CORIN: variants seen among roughly 807,000 people sequenced by gnomAD.
The protein encoded by CORIN is corin, serine peptidase.
CORIN carries 117 observed loss-of-function variants against 125.3 expected under a neutral mutation model. The ratio of observed to expected loss-of-function variants is 0.93; its 90% confidence interval spans 0.80 to 1.09. The LOEUF (loss-of-function observed/expected upper bound fraction) is 1.09, where lower values mean the gene tolerates loss of function less well. CORIN is among the 50% of genes least tolerant of loss of function. CORIN has a pLI of 0.00. For synonymous variants in CORIN, 450 were observed against 466.4 expected, an observed-to-expected ratio of 0.96 and a Z score of 0.45; for missense variants, 1,253 against 1,306.7, an observed-to-expected ratio of 0.96 and a Z score of 0.63.
intron 5 of CORIN, among the ~76,000 whole-genome samples, chr4:47,730,016 C>T (rs906597935): frequency 3.7e-4 from 57 of 152,148 alleles, no homozygotes; most frequent in African/African-American, 1.4e-3. Context: ...CTCAATAAAA[C>T]CTTGCACTCA....
At chr4:47,757,850 G>T (rs1729225069) in intron 4 of CORIN, among the ~76,000 whole-genome samples, 1 of 131,128 alleles carries the variant, frequency 7.6e-6, no homozygotes, top group South Asian at 2.4e-4. Flanking sequence ...ATTGAAATGA[G>T]TTTACACATA....
At chr4:47,834,696 C>T (rs192728641) in intron 1 of CORIN, among the ~76,000 whole-genome samples, 16 of 152,120 alleles carry the variant, frequency 1.1e-4, no homozygotes, top group South Asian at 2.1e-4. Flanking sequence ...ATTGTGGTGA[C>T]GGTTTTATAG....
At chr4:47,800,352 C>G (rs1352131470) in intron 2 of CORIN, among the ~76,000 whole-genome samples, 1 of 152,070 alleles carries the variant, frequency 6.6e-6, no homozygotes, top group Non-Finnish European at 1.5e-5. Flanking sequence ...TCCTCAGAGG[C>G]CTCTAAGCAC....
At position 47,744,402 on chromosome 4, in the gene CORIN, A is replaced by G. The variant is rs1728562422; in HGVS notation, c.799T>C (p.Leu267=). The G allele has an allele frequency of 1.2e-6, 2 of 1,613,406 alleles. No homozygotes were observed. The highest frequency in any genetic ancestry group is 1.7e-6 in the Non-Finnish European group (2 of 1,179,628). The change falls in exon 5 of 22, where the codon TTG becomes CTG. Residue 267 remains leucine (L), a splice_region_variant and synonymous_variant. Transcript: ENST00000273857. ...AATGAAATGAAACACAGACACCTAC[A>G]TTGCTTTCCGTTTTCCTGCTGAGGT... is the stretch of plus-strand genomic sequence containing the variant. ...FSPQQENGKQ[L]LCGRGENFLC... is the part of the protein sequence containing the mutation.
chr4:47,779,185 G>C (rs1455626426), intron 3 of CORIN, among the ~76,000 whole-genome samples: 1 of 152,198 alleles, frequency 6.6e-6, no homozygotes, highest in Non-Finnish European at 1.5e-5. Flanking sequence ...AATGGTTATA[G>C]GTCGAGCACA....
chr4:47,609,109 A>G lies in CORIN; in HGVS notation c.2541-5441T>C, dbSNP rs1304364291. Among the ~76,000 whole-genome samples, 4 of 152,162 alleles carry G rather than the reference A, an allele frequency of 2.6e-5. No individual in the cohort carries two copies. In the East Asian group the frequency reaches 5.8e-4, roughly 22 times the overall value. ...ATAGCATAGCTAAGTGGTGATTTGG[A>G]GATCATCTGAAGGTTACCAAATCTG... On this transcript the variant is annotated intron_variant, in intron 19 of 21. Transcript: ENST00000273857.
At chr4:47,717,192 C>A (rs1727131065) in intron 5 of CORIN, among the ~76,000 whole-genome samples, 1 of 152,152 alleles carries the variant, frequency 6.6e-6, no homozygotes, top group Non-Finnish European at 1.5e-5. Flanking sequence ...GTAACATCCT[C>A]CAGGCTTTTT....
intron 3 of CORIN, among the ~76,000 whole-genome samples, chr4:47,765,974 T>C (rs1296601947): frequency 2.0e-5 from 3 of 152,198 alleles, no homozygotes; most frequent in African/African-American, 7.2e-5. Context: ...AACAACTATA[T>C]AATCATTTAA....
At chr4:47,740,154 A>ATGAGATTCAATT (rs1471408434) in intron 5 of CORIN, among the ~76,000 whole-genome samples, 2 of 152,000 alleles carry the variant, frequency 1.3e-5, no homozygotes, top group African/African-American at 4.8e-5. Context: ...ATTCAATTAT[A>ATGAGATTCAATT]TACTGTGTGT....
chr4:47,793,097 A>G (rs1485898277), intron 2 of CORIN, among the ~76,000 whole-genome samples: 3 of 152,112 alleles, frequency 2.0e-5, no homozygotes, highest in Admixed American at 6.5e-5. Context: ...TCAGGGGGGA[A>G]AAAGCCCAAA....
chr4:47,623,069 CCTCTCTCTCT>C (rs372736248), intron 19 of CORIN, among the ~76,000 whole-genome samples: 2 of 93,612 alleles, frequency 2.1e-5, no homozygotes, highest in Non-Finnish European at 3.7e-5. Flanking sequence ...CATAACATAA[CCTCTCTCTCT>C]CTCTCTCTCT....
chr4:47,811,017 T>C (rs1399100880), intron 1 of CORIN, among the ~76,000 whole-genome samples: 1 of 152,186 alleles, frequency 6.6e-6, no homozygotes, highest in Non-Finnish European at 1.5e-5. Context: ...TTTGGGCACT[T>C]GGGATATATT....
At chr4:47,786,636 G>A (rs2109916793) in intron 3 of CORIN, 89 bp downstream of exon 3, 1 of 950,894 alleles carries the variant, frequency 1.1e-6, no homozygotes, top group East Asian at 2.4e-5. Flanking sequence ...ACCGGCAAGT[G>A]ATTGTGAACT....
intron 5 of CORIN, among the ~76,000 whole-genome samples, chr4:47,743,185 T>A (rs567003677): frequency 1.3e-5 from 2 of 148,438 alleles, no homozygotes; most frequent in South Asian, 4.3e-4. Flanking sequence ...AGCAAAGATT[T>A]CTTAAGACAC....
intron 13 of CORIN, among the ~76,000 whole-genome samples, chr4:47,645,834 C>T (rs1577778250): frequency 6.6e-6 from 1 of 152,048 alleles, no homozygotes; most frequent in Non-Finnish European, 1.5e-5. Context: ...TGCAGTAAGC[C>T]GAGATTGCAC....
intron 4 of CORIN, among the ~76,000 whole-genome samples, chr4:47,756,331 C>G (rs773129951): frequency 6.6e-5 from 10 of 152,196 alleles, no homozygotes; most frequent in South Asian, 2.1e-4. Context: ...ATGGTAGGGA[C>G]TTACAACTGG....
chr4:47,645,289 A>T, intron 13 of CORIN, 95 bp from the exon 14 acceptor site: 1 of 768,178 alleles, frequency 1.3e-6, no homozygotes, highest in African/African-American at 1.7e-5. Context: ...TAAAGGCATG[A>T]TGTTGGCAGG....
In CORIN at chr4:47,749,279, C is replaced by T. The variant is rs544449317; in HGVS notation, c.618-4696G>A. On this transcript the variant is annotated intron_variant, in intron 4 of 21. Coordinates refer to ENST00000273857, the MANE Select transcript of CORIN (RefSeq NM_006587.4). The stretch of plus-strand genomic sequence containing the variant: ...ACAGAAGGTAATGGAATGTCAACTT[C>T]ATCATTAGTCTACATAAGATTGTGA... 2.3e-3 allele frequency among the ~76,000 whole-genome samples: 348 copies of T among 152,268 alleles called. 2 individuals are homozygous for T. Among genetic ancestry groups the T allele is most frequent in the African/African-American group, 7.7e-3 (319 of 41,546 alleles).
chr4:47,633,880 G>A (rs1722928852), intron 16 of CORIN, among the ~76,000 whole-genome samples: 1 of 151,964 alleles, frequency 6.6e-6, no homozygotes, highest in Admixed American at 6.6e-5. Context: ...TTCTTCTTGA[G>A]TATAACAGGA....
Sources: gnomAD v4.1 joint callset for allele counts (sites outside exome capture counted in the v4.1 genomes callset) on GRCh38, gnomAD v4.1.1 for gene constraint, MANE v1.5 for transcripts, NCBI Gene and HGNC (gene_info 2026-07-23, HGNC 2026-07-21) for gene names.